The following LILRA4 variants were observed in gnomAD, a reference collection of about 807,000 sequenced individuals.
The protein encoded by LILRA4 is leukocyte immunoglobulin-like receptor subfamily A member 4.
A neutral mutation model predicts 49.5 loss-of-function variants in LILRA4; 51 were observed. That is an observed-to-expected ratio of 1.03 (90% CI 0.82 to 1.30). The LOEUF (loss-of-function observed/expected upper bound fraction) is 1.30, where lower values mean the gene tolerates loss of function less well. LILRA4 is among the 50% of genes most tolerant of loss of function. The pLI is 0.00. For missense variants in LILRA4, 624 were observed against 625.6 expected, an observed-to-expected ratio of 1.00 and a Z score of 0.03; for synonymous variants, 272 against 265.6, an observed-to-expected ratio of 1.02 and a Z score of -0.23.
rs761128310 is a variant in LILRA4 at position 54,339,071 on chromosome 19, A to G, written c.23T>C (p.Leu8Pro). The change falls in exon 1 of 8, where the codon CTG becomes CCG. Residue 8 changes from leucine (L) to proline (P), a missense_variant. Transcript: ENST00000291759. Reference protein sequence around the residue: MTLILTSLLFFGLSLGPR... With the variant: MTLILTSPLFFGLSLGPR... ...TCTTAAGATCTCACCAAAGAAGAGCAGGCTTGTGAGAATGAGGGTCATGGC... is the reference window on the plus strand; with the variant it reads ...TCTTAAGATCTCACCAAAGAAGAGCGGGCTTGTGAGAATGAGGGTCATGGC... The G allele has an allele frequency of 3.7e-6, 6 of 1,614,088 alleles. No homozygotes were observed. Among genetic ancestry groups the G allele is most frequent in the African/African-American group, 2.7e-5 (2 of 74,930 alleles).
chr19:54,334,004 A>G, intron 6 of LILRA4, 39 bp from the exon 7 acceptor site: 6 of 1,547,128 alleles, frequency 3.9e-6, no homozygotes, highest in Non-Finnish European at 5.4e-6. Context: ...GAGAAGCTGA[A>G]GAGCCTCTCC....
At position 54,333,346 on chromosome 19, in the gene LILRA4, A is replaced by T; in HGVS notation, c.*226T>A. The T allele has an allele frequency of 1.7e-6, 1 of 581,348 alleles. No homozygotes were observed. The highest frequency in any genetic ancestry group is 3.0e-6 in the Non-Finnish European group (1 of 332,980). The allele number at this position is 581,348 out of a possible 1,614,324, so 36.0% of individuals were successfully genotyped here. On this transcript the variant is annotated 3_prime_UTR_variant, in exon 8 of 8. Transcript: ENST00000291759. ...ATGAGGTCACAGAGGGGCGGACCCA[A>T]ACCCACCATAGGGGTGAAGCCTTAC... is the stretch of plus-strand genomic sequence containing the variant.
At chr19:54,334,326 C>T (rs1169403177) in intron 6 of LILRA4, 3 of 214,926 alleles carry the variant, frequency 1.4e-5, no homozygotes, top group South Asian at 2.0e-4. Flanking sequence ...ACAGAAATTT[C>T]CATTTTTCAG....
intron 5 of LILRA4, 127 bp downstream of exon 5, chr19:54,337,273 C>G: frequency 7.0e-7 from 1 of 1,428,260 alleles, no homozygotes; most frequent in Non-Finnish European, 9.5e-7. Context: ...CGCCCATCCC[C>G]TGTCTCTGTC....
chr19:54,333,752 C>G lies in LILRA4; in HGVS notation c.1320G>C (p.Gln440His), dbSNP rs757137173. ...GGATGAGATTCTCCACTGTGTAATC[C>G]TGGAGGTGTGGGGCTAGGGATGGTG... ...KSDSKTAPHL[Q>H]DYTVENLIRM... Residue 440 changes from glutamine (Q) to histidine (H), a missense_variant, in exon 8 of 8, where the codon CAG (glutamine) becomes CAC (histidine). Coordinates refer to ENST00000291759, the MANE Select transcript of LILRA4 (RefSeq NM_012276.5). The G allele has an allele frequency of 1.2e-5, 20 of 1,614,058 alleles. No homozygotes were observed. Among genetic ancestry groups the G allele is most frequent in the Non-Finnish European group, 1.7e-5 (20 of 1,180,008 alleles).
rs1601225684 is a variant in LILRA4, at chr19:54,336,550, T to C, written c.1255+291A>G. 1.6e-5 allele frequency: 9 copies of C among 567,954 alleles called. No homozygotes were observed. In the East Asian group the frequency reaches 2.7e-4, roughly 17 times the overall value. 35.2% of individuals were successfully genotyped at this position (567,954 alleles called of 1,614,324 possible). On this transcript the variant is annotated intron_variant, in intron 6 of 7. Transcript: ENST00000291759. ...GTCCTCATCTATTTCCACACTCCCA[T>C]AGGCTGGACCTTCCCCTCGGTGGGA...
rs764492308 is a variant in LILRA4 at position 54,337,106 on chromosome 19, C to T, written c.990G>A (p.Pro330=). The T allele has an allele frequency of 1.8e-5, 29 of 1,613,738 alleles. 1 individual carries two copies. Among genetic ancestry groups the T allele is most frequent in the South Asian group, 1.2e-4 (11 of 91,070 alleles). Residue 330 remains proline (P), a synonymous_variant, in exon 6 of 8, where the codon CCG becomes CCA. Transcript: ENST00000291759. ...TCTCTCCTGAGGTCACCGTGGGGCCCGGCTGCACTGAGAGGGAGGGTCTGT... is the reference window on the plus strand; with the variant it reads ...TCTCTCCTGAGGTCACCGTGGGGCCTGGCTGCACTGAGAGGGAGGGTCTGT... The part of the protein sequence containing the change: ...ISDRPSLSVQ[P]GPTVTSGEKV...
chr19:54,338,822 C>G, intron 2 of LILRA4, 44 bp downstream of exon 2: 1 of 1,613,342 alleles, frequency 6.2e-7, no homozygotes, highest in Non-Finnish European at 8.5e-7. Flanking sequence ...GTCCCTTGTC[C>G]CCAGAGAGGA....
chr19:54,336,815 A>C lies in LILRA4; in HGVS notation c.1255+26T>G, dbSNP rs746217877. On this transcript the variant is annotated intron_variant, in intron 6 of 7. Coordinates refer to ENST00000291759, the MANE Select transcript of LILRA4 (RefSeq NM_012276.5). ...CATTTCCAAGAACCCCTTTGAGCTC[A>C]GAGTGGACAGGGTCAGCGCCCTCAC... 1.6e-5 allele frequency: 25 copies of C among 1,612,594 alleles called. No homozygotes were observed. The African/African-American group carries it at 3.3e-4, about 22-fold the overall frequency.
At chr19:54,334,658 C>T (rs186882758) in intron 6 of LILRA4, 2 of 152,016 alleles carry the variant, frequency 1.3e-5, no homozygotes, top group Admixed American at 6.6e-5. Context: ...AAAACATACC[C>T]GAACTTAAAG....
rs1361038586 is a variant in LILRA4, at chr19:54,336,970, A to G, written c.1126T>C (p.Tyr376His). The G allele has an allele frequency of 1.2e-6, 2 of 1,614,042 alleles. No homozygotes were observed. The highest frequency in any genetic ancestry group is 2.2e-5 in the East Asian group (1 of 44,876). The change falls in exon 6 of 8, where the codon TAC becomes CAC. Residue 376 changes from tyrosine to histidine, a missense_variant. Physicochemically the swap from Tyr to His is moderately conservative, Grantham distance 83. Coordinates refer to ENST00000291759, the MANE Select transcript of LILRA4 (RefSeq NM_012276.5). ...GGACTCATGGGGAATTCAGCCTGGT[A>G]CTTATGAGCTCCGTACATTGATCTC... The part of the protein sequence containing the change: ...RLRSMYGAHK[Y>H]QAEFPMSPVT...
intron 6 of LILRA4, 39 bp downstream of exon 6, chr19:54,336,802 C>T: frequency 6.5e-7 from 1 of 1,527,166 alleles, no homozygotes; most frequent in Non-Finnish European, 8.9e-7. Flanking sequence ...TTTCCAAGAA[C>T]CCCTTTGAGC....
rs371092358 is a variant in LILRA4, at chr19:54,338,096, G to T, written c.495C>A (p.Thr165=). The T allele has an allele frequency of 6.2e-7, 1 of 1,614,062 alleles. No individual in the cohort carries two copies. The highest frequency in any genetic ancestry group is 1.1e-5 in the South Asian group (1 of 91,086). The change falls in exon 4 of 8, where the codon ACC becomes ACA. Residue 165 remains threonine, a synonymous_variant. Coordinates refer to ENST00000291759, the MANE Select transcript of LILRA4 (RefSeq NM_012276.5). ...CATGGTTGTGTTGGTGTGAGTTCAGGGTCCAGGAGAGCCTGTGGTCTCCTT... is the reference window on the plus strand; with the variant it reads ...CATGGTTGTGTTGGTGTGAGTTCAGTGTCCAGGAGAGCCTGTGGTCTCCTT... ...IEEGDHRLSW[T]LNSHQHNHGK... is the part of the protein sequence containing the mutation.
chr19:54,338,225 T>G lies in LILRA4; in HGVS notation c.366A>C (p.Arg122Ser). The change falls in exon 4 of 8, where the codon AGA (arginine) becomes AGC (serine). Residue 122 changes from arginine to serine, a missense_variant. Physicochemically the swap from Arg to Ser is moderately radical, Grantham distance 110 (BLOSUM62 -1). Transcript: ENST00000291759. ...GGCTTGGCAGTGCGGACAGGGTGGG[T>G]CTGCTGTAGGCTTTCAAGAGAAAAA... ...PLELVVTAYS[R>S]PTLSALPSPV... is the part of the protein sequence containing the mutation. 1.2e-6 allele frequency: 2 copies of G among 1,610,790 alleles called. No homozygotes were observed. Among genetic ancestry groups the G allele is most frequent in the Non-Finnish European group, 1.7e-6 (2 of 1,177,846 alleles).
At chr19:54,335,893 A>G (rs369598788) in intron 6 of LILRA4, 5 of 152,232 alleles carry the variant, frequency 3.3e-5, no homozygotes, top group East Asian at 1.9e-4. Context: ...TTTAAAGTAT[A>G]TATGTAACTA....
chr19:54,333,609 G>C lies in LILRA4; in HGVS notation c.1463C>G (p.Ala488Gly), dbSNP rs776706834. ...SQEANSRKDN[A>G]PFRVVEPWEQ... ...CCAAGGCTCCACCACTCTGAAGGGT[G>C]CATTGTCCTTTCTGCTGTTTGCCTC... The change falls in exon 8 of 8, where the codon GCA becomes GGA. Residue 488 changes from alanine (A) to glycine (G), a missense_variant. Physicochemically the swap from Ala to Gly is moderately conservative, Grantham distance 60. Transcript: ENST00000291759. The C allele has an allele frequency of 7.4e-6, 12 of 1,614,140 alleles. No individual in the cohort carries two copies. The Admixed American group carries it at 1.8e-4, about 25-fold the overall frequency.
rs143149973 is a variant in LILRA4 at position 54,336,908 on chromosome 19, G to A, written c.1188C>T (p.Tyr396=). ...GGTAGGGGTTGGAGCTGCGTGAGCC[G>A]TAGCACCTGTAGGTCCCCGCGTGGG... ...TSAHAGTYRC[Y]GSRSSNPYLL... is the part of the protein sequence containing the mutation. Residue 396 remains tyrosine, a synonymous_variant, in exon 6 of 8, where the codon TAC becomes TAT. Transcript: ENST00000291759. 706 of 1,614,178 alleles carry A rather than the reference G, an allele frequency of 4.4e-4. 1 individual carries two copies. In the African/African-American group the frequency reaches 7.6e-3, roughly 17 times the overall value.
At chr19:54,337,224 C>T in intron 5 of LILRA4, 81 bp from the exon 6 acceptor site, 1 of 1,506,524 alleles carries the variant, frequency 6.6e-7, no homozygotes, top group Non-Finnish European at 8.9e-7. Flanking sequence ...TCCCTGGGAC[C>T]CTCAGTCTGT....
chr19:54,338,002 C>T lies in LILRA4; in HGVS notation c.589G>A (p.Gly197Ser), dbSNP rs758178969. Residue 197 changes from glycine (G) to serine (S), a missense_variant, in exon 4 of 8, where the codon GGC becomes AGC. Physicochemically the swap from Gly to Ser is moderately conservative, Grantham distance 56 (BLOSUM62 0). Coordinates refer to ENST00000291759, the MANE Select transcript of LILRA4 (RefSeq NM_012276.5). ...ACGTATGGGGTGTTGTTTTCATAGC[C>T]GTAGCATCTGAATGTACCCCTGTTG... ...FSNRGTFRCY[G>S]YENNTPYVWS... The T allele has an allele frequency of 3.1e-5, 50 of 1,613,884 alleles. No individual in the cohort carries two copies. The highest frequency in any genetic ancestry group is 3.8e-5 in the Non-Finnish European group (45 of 1,179,986).
Sources: allele counts gnomAD v4.1 joint callset, GRCh38; gene constraint gnomAD v4.1.1; transcripts MANE v1.5; gene names NCBI Gene and HGNC (gene_info 2026-07-23, HGNC 2026-07-21).